The following BMPR1B variants were observed in gnomAD, a reference collection of about 807,000 sequenced individuals.
BMPR1B encodes the protein bone morphogenetic protein receptor type-1B.
A neutral mutation model predicts 59.1 loss-of-function variants in BMPR1B; 12 were observed. The observed-to-expected ratio is 0.20, with a 90% CI of 0.13 to 0.33. The LOEUF (loss-of-function observed/expected upper bound fraction) is 0.33. BMPR1B is among the 10% of genes least tolerant of loss of function. BMPR1B has a pLI of 1.00. For missense variants in BMPR1B, 550 were observed against 610.9 expected, an observed-to-expected ratio of 0.90 and a Z score of 1.05; for synonymous variants, 237 against 207.3, an observed-to-expected ratio of 1.14 and a Z score of -1.23.
intron 1 of BMPR1B, among the ~76,000 whole-genome samples, chr4:94,845,735 T>G (rs1290243246): frequency 1.3e-5 from 2 of 152,232 alleles, no homozygotes; most frequent in Non-Finnish European, 2.9e-5. Context: ...TTTTATCTCT[T>G]ATTTATATCT....
At chr4:95,120,818 T>C (rs1425881884) in intron 6 of BMPR1B, among the ~76,000 whole-genome samples, 1 of 138,100 alleles carries the variant, frequency 7.2e-6, no homozygotes, top group African/African-American at 2.6e-5. Context: ...CCTTCCTTAC[T>C]TCCTTTTCAA....
chr4:94,914,048 G>C (rs929903897), intron 2 of BMPR1B, among the ~76,000 whole-genome samples: 2 of 152,140 alleles, frequency 1.3e-5, no homozygotes, highest in Non-Finnish European at 1.5e-5. Context: ...GAAGGAGGTA[G>C]ATAAAATGCT....
intron 2 of BMPR1B, among the ~76,000 whole-genome samples, chr4:94,952,349 G>A (rs1729976817): frequency 6.6e-6 from 1 of 152,094 alleles, no homozygotes; most frequent in Non-Finnish European, 1.5e-5. Flanking sequence ...TAATTGTGAT[G>A]TTAGGGTTTT....
chr4:95,074,211 T>G (rs1396590246), intron 3 of BMPR1B, among the ~76,000 whole-genome samples: 1 of 152,130 alleles, frequency 6.6e-6, no homozygotes, highest in African/African-American at 2.4e-5. Flanking sequence ...TTCAGCTCTT[T>G]CTTAGCTCTG....
At chr4:94,842,967 A>T (rs766883229) in intron 1 of BMPR1B, among the ~76,000 whole-genome samples, 27 of 152,120 alleles carry the variant, frequency 1.8e-4, no homozygotes, top group Non-Finnish European at 1.9e-4. Context: ...TAGCTGTTTA[A>T]TACCCAGATT....
chr4:95,080,889 AG>A (rs1729084515), intron 3 of BMPR1B, among the ~76,000 whole-genome samples: 1 of 152,174 alleles, frequency 6.6e-6, no homozygotes, highest in Admixed American at 6.5e-5. Context: ...CAAAATGTAA[AG>A]TGTGTATAAT....
chr4:95,153,495 G>A (rs1246672307), intron 12 of BMPR1B, among the ~76,000 whole-genome samples: 4 of 152,016 alleles, frequency 2.6e-5, no homozygotes, highest in East Asian at 1.9e-4. Flanking sequence ...CTTATCAAAC[G>A]TACCAAAGCA....
chr4:94,783,484 T>C (rs1722655494), intron 1 of BMPR1B, among the ~76,000 whole-genome samples: 1 of 152,224 alleles, frequency 6.6e-6, no homozygotes, highest in African/African-American at 2.4e-5. Flanking sequence ...AGTTAGTCCC[T>C]TTAAGTGAGA....
intron 1 of BMPR1B, among the ~76,000 whole-genome samples, chr4:94,816,449 C>G (rs368751066): frequency 6.6e-6 from 1 of 152,136 alleles, no homozygotes; most frequent in Non-Finnish European, 1.5e-5. Flanking sequence ...CAGGCATGAG[C>G]CACTGCACCC....
chr4:94,938,902 T>G (rs1410349889), intron 2 of BMPR1B, among the ~76,000 whole-genome samples: 2 of 152,010 alleles, frequency 1.3e-5, no homozygotes, highest in Middle Eastern at 3.2e-3. Context: ...TCCTAGCTAC[T>G]TGAGAGGCTG....
intron 3 of BMPR1B, among the ~76,000 whole-genome samples, chr4:95,056,157 T>C (rs1339708150): frequency 1.3e-5 from 2 of 152,222 alleles, no homozygotes; most frequent in African/African-American, 4.8e-5. Flanking sequence ...TTATGCTGCA[T>C]TTTAGGTCCA....
chr4:95,079,536 C>T (rs765421569), intron 3 of BMPR1B, among the ~76,000 whole-genome samples: 7 of 152,022 alleles, frequency 4.6e-5, no homozygotes, highest in Non-Finnish European at 8.8e-5. Flanking sequence ...AGAAGGTCTC[C>T]TTAGTGTATC....
chr4:95,116,421 G>GCGCGCGCGCGCGCGCGCGCACACACA, intron 6 of BMPR1B, among the ~76,000 whole-genome samples: 1 of 123,198 alleles, frequency 8.1e-6, no homozygotes, highest in African/African-American at 3.6e-5. Flanking sequence ...TTCAGCGCGC[G>GCGCGCGCGCGCGCGCGCGCACACACA]CACACACACA....
At chr4:95,104,254 T>G (rs1450055845) in intron 3 of BMPR1B, 154 bp from the exon 4 acceptor site, 1 of 907,876 alleles carries the variant, frequency 1.1e-6, no homozygotes, top group African/African-American at 1.7e-5. Context: ...AAAGACATGA[T>G]TTTAATCAAA....
At chr4:94,825,731 T>C (rs1426574452) in intron 1 of BMPR1B, among the ~76,000 whole-genome samples, 1 of 152,190 alleles carries the variant, frequency 6.6e-6, no homozygotes, top group East Asian at 1.9e-4. Flanking sequence ...AAATCCAGAC[T>C]GCCTTTATAC....
At chr4:95,045,315 A>G (rs1265060403) in intron 3 of BMPR1B, among the ~76,000 whole-genome samples, 1 of 152,220 alleles carries the variant, frequency 6.6e-6, no homozygotes, top group Middle Eastern at 3.2e-3. Flanking sequence ...TGCAAGAAGT[A>G]GTAGCTGTCA....
At chr4:94,902,071 G>T (rs1305606123) in intron 2 of BMPR1B, among the ~76,000 whole-genome samples, 1 of 149,132 alleles carries the variant, frequency 6.7e-6, no homozygotes, top group Non-Finnish European at 1.5e-5. Context: ...GTGTGTGTGT[G>T]TGTGTGTGTG....
At chr4:94,764,048 C>T (rs1041980123) in intron 1 of BMPR1B, among the ~76,000 whole-genome samples, 2 of 151,986 alleles carry the variant, frequency 1.3e-5, no homozygotes, top group East Asian at 3.9e-4. Flanking sequence ...TTCTTTTGAT[C>T]TTCTTCAATT....
rs541042022 is a variant in BMPR1B, at chr4:94,848,180, A to AATTATAATCTTCTAAATC, written c.-182-27651_-182-27650insATTATAATCTTCTAAATC. 2.6e-4 allele frequency among the ~76,000 whole-genome samples: 28 copies of AATTATAATCTTCTAAATC among 106,764 alleles called. No homozygotes were observed. In the South Asian group the frequency reaches 7.3e-3, roughly 28 times the overall value. The allele number at this position is 106,764 out of a possible 152,430, so 70.0% of individuals were successfully genotyped here. A position where few individuals can be genotyped will look rare whatever the true frequency, so the allele number is the denominator to read the frequency against. On this transcript the variant is annotated intron_variant, in intron 1 of 12. Transcript: ENST00000515059. Reference sequence around the variant, plus strand: ...TAGCCTATTATAATCTTAGGATTTTATTAGGAATTAGAAGAAAAGGAAGCT... The same window carrying AATTATAATCTTCTAAATC: ...TAGCCTATTATAATCTTAGGATTTTAATTATAATCTTCTAAATCTTAGGAATTAGAAGAAAAGGAAGCT...
Sources: allele counts gnomAD v4.1 joint callset (sites outside exome capture counted in the v4.1 genomes callset), GRCh38; gene constraint gnomAD v4.1.1; transcripts MANE v1.5; gene names NCBI Gene and HGNC (gene_info 2026-07-23, HGNC 2026-07-21).